Variants in TNFRSF8 observed in about 807,000 individuals in gnomAD.
The protein encoded by TNFRSF8 is tumor necrosis factor receptor superfamily member 8.
TNFRSF8 carries 26 observed loss-of-function variants against 70.8 expected under a neutral mutation model. The ratio of observed to expected loss-of-function variants is 0.37; its 90% CI spans 0.27 to 0.51. TNFRSF8 has a LOEUF of 0.51. TNFRSF8 is among the 20% of genes least tolerant of loss of function. The pLI is 0.94. For synonymous variants in TNFRSF8, 356 were observed against 339.2 expected, an observed-to-expected ratio of 1.05 and a Z score of -0.54; for missense variants, 720 against 807.9, an observed-to-expected ratio of 0.89 and a Z score of 1.32.
Position 12,119,634 on chromosome 1 carries a change from C to A in TNFRSF8, c.947-3650C>A, listed in dbSNP as rs529157762. 2.0e-4 allele frequency among the ~76,000 whole-genome samples: 31 copies of A among 151,450 alleles called. No homozygotes were observed. The East Asian group carries it at 4.8e-3, about 24-fold the overall frequency. On this transcript the variant is annotated intron_variant, in intron 8 of 14. Coordinates refer to ENST00000263932, the MANE Select transcript of TNFRSF8 (RefSeq NM_001243.5). The surrounding 1 kb of genome is among the most constrained non-coding windows in gnomAD (Gnocchi z 4.4). ...TATTATTTTTAGAGACAGGGTCTCA[C>A]TCTGTGTTCCAGGCTGGAGTGCAGT...
chr1:12,069,871 G>T (rs1378333238), intron 1 of TNFRSF8, among the ~76,000 whole-genome samples: 2 of 152,198 alleles, frequency 1.3e-5, no homozygotes, highest in Non-Finnish European at 2.9e-5. Context: ...GGGAAAACAG[G>T]ACTTGCAGAC....
At chr1:12,098,135 TC>T (rs1324121846) in intron 3 of TNFRSF8, among the ~76,000 whole-genome samples, 1 of 152,164 alleles carries the variant, frequency 6.6e-6, no homozygotes, top group Non-Finnish European at 1.5e-5. Context: ...TGAATATACC[TC>T]TCCATTCCTT....
intron 13 of TNFRSF8, 31 bp downstream of exon 13, chr1:12,135,644 C>T (rs375360119): frequency 6.2e-7 from 1 of 1,613,120 alleles, no homozygotes. Flanking sequence ...CCCACCTCAG[C>T]TTCGTGCCCC....
chr1:12,116,015 C>T (rs1043046242), intron 8 of TNFRSF8, among the ~76,000 whole-genome samples: 18 of 152,092 alleles, frequency 1.2e-4, no homozygotes, highest in African/African-American at 4.3e-4. Flanking sequence ...GAGTTTCGCT[C>T]ATGTTGCCCA....
chr1:12,074,167 A>C (rs187002442), intron 1 of TNFRSF8, among the ~76,000 whole-genome samples: 1 of 148,216 alleles, frequency 6.7e-6, no homozygotes, highest in African/African-American at 2.6e-5. Flanking sequence ...TGATCTTGCT[A>C]AAACGGACTC....
chr1:12,088,071 C>T lies in TNFRSF8; in HGVS notation c.151+3520C>T, dbSNP rs1641185826. Among the ~76,000 whole-genome samples, 1 of 152,160 alleles carries T rather than the reference C, an allele frequency of 6.6e-6. No individual in the cohort carries two copies. The highest frequency in any genetic ancestry group is 2.1e-4 in the South Asian group (1 of 4,796). On this transcript the variant is annotated intron_variant, in intron 2 of 14. Transcript: ENST00000263932. This position sits in a 1 kb window ranked among gnomAD's most constrained non-coding sequence, Gnocchi z 4.0. ...TGCAGCCAGCACTCAGCTGTGTGGC[C>T]GGGTTTGCTTGTGGGCGGGTTGGTG... is the stretch of plus-strand genomic sequence containing the variant.
intron 3 of TNFRSF8, among the ~76,000 whole-genome samples, chr1:12,098,111 G>A (rs1641361343): frequency 6.6e-6 from 1 of 151,842 alleles, no homozygotes; most frequent in African/African-American, 2.4e-5. Context: ...GGTGGGTTGG[G>A]CTTTTTATCC....
intron 12 of TNFRSF8, among the ~76,000 whole-genome samples, chr1:12,135,142 C>T (rs932782959): frequency 2.2e-4 from 33 of 151,776 alleles, no homozygotes; most frequent in Non-Finnish European, 4.0e-4. Flanking sequence ...GGTGAAACCC[C>T]GTCTCTACTG....
At chr1:12,076,087 T>TC (rs1553153188) in intron 1 of TNFRSF8, among the ~76,000 whole-genome samples, 5 of 62,336 alleles carry the variant, frequency 8.0e-5, no homozygotes, top group Admixed American at 1.8e-4. Flanking sequence ...GGTTTTATTC[T>TC]TTTTTTTTTC....
At position 12,094,613 on chromosome 1, in the gene TNFRSF8, GTTTTTTTTTT is replaced by G. The variant is rs1042247656; in HGVS notation, c.152-2480_152-2471del. 8.4e-4 allele frequency among the ~76,000 whole-genome samples: 100 copies of G among 119,674 alleles called. 1 individual carries two copies. Among genetic ancestry groups the G allele is most frequent in the African/African-American group, 3.0e-3 (99 of 32,602 alleles). The allele number at this position is 119,674 out of a possible 152,430, so 78.5% of individuals were successfully genotyped here. ...TTAAAGAGTGACAGCCATGAAGCTAGTTTTTTTTTTTTTTTTTGCTTTTTTTTTTTGAGAC... is the reference window on the plus strand; with the variant it reads ...TTAAAGAGTGACAGCCATGAAGCTAGTTTTTTTGCTTTTTTTTTTTGAGAC... On this transcript the variant is annotated intron_variant, in intron 2 of 14. Transcript: ENST00000263932.
chr1:12,083,868 T>C (rs1641106778), intron 1 of TNFRSF8, among the ~76,000 whole-genome samples: 1 of 152,236 alleles, frequency 6.6e-6, no homozygotes, highest in African/African-American at 2.4e-5. Flanking sequence ...AATTCTACTT[T>C]ATGTAAAATC....
At position 12,109,356 on chromosome 1, in the gene TNFRSF8, G is replaced by A. The variant is rs1570040458; in HGVS notation, c.422-210G>A. On this transcript the variant is annotated intron_variant, in intron 4 of 14. Transcript: ENST00000263932. This position sits in a 1 kb window ranked among gnomAD's most constrained non-coding sequence, Gnocchi z 4.4. Reference sequence around the variant, plus strand: ...TCGGTCCCAACCCCTAACCACAGATGCTGAGATCAGAGGGAGAGTAATTCC... The same window carrying A: ...TCGGTCCCAACCCCTAACCACAGATACTGAGATCAGAGGGAGAGTAATTCC... 6.6e-6 allele frequency among the ~76,000 whole-genome samples: 1 copy of A among 152,172 alleles called. No individual in the cohort carries two copies. Among genetic ancestry groups the A allele is most frequent in the Non-Finnish European group, 1.5e-5 (1 of 68,036 alleles).
At chr1:12,124,253 C>A (rs2101027115) in intron 10 of TNFRSF8, among the ~76,000 whole-genome samples, 1 of 152,192 alleles carries the variant, frequency 6.6e-6, no homozygotes, top group Middle Eastern at 3.4e-3. Context: ...AGGTGATCCA[C>A]CTGCTTCAGC....
intron 3 of TNFRSF8, among the ~76,000 whole-genome samples, chr1:12,103,364 A>G (rs1641458578): frequency 6.6e-6 from 1 of 152,162 alleles, no homozygotes; most frequent in Non-Finnish European, 1.5e-5. Context: ...TAAAAAAAAA[A>G]AAATTAATAA....
chr1:12,094,850 T>G (rs1641304923), intron 2 of TNFRSF8, among the ~76,000 whole-genome samples: 1 of 151,832 alleles, frequency 6.6e-6, no homozygotes, highest in Non-Finnish European at 1.5e-5. Flanking sequence ...GGTCTTGAAC[T>G]TATGACCTCA....
At chr1:12,124,542 G>C (rs1641895342) in intron 10 of TNFRSF8, among the ~76,000 whole-genome samples, 1 of 152,158 alleles carries the variant, frequency 6.6e-6, no homozygotes, top group Non-Finnish European at 1.5e-5. Flanking sequence ...TTAGCTCTTA[G>C]GCTGGACGCG....
At position 12,123,733 on chromosome 1, in the gene TNFRSF8, C is replaced by T; in HGVS notation, c.1059C>T (p.Ser353=). The T allele has an allele frequency of 6.4e-7, 1 of 1,567,506 alleles. No homozygotes were observed. Among genetic ancestry groups the T allele is most frequent in the Non-Finnish European group, 8.7e-7 (1 of 1,155,590 alleles). ...EAPASTSPTQ[S]LLVDSQASKT... is the part of the protein sequence containing the mutation. ...CCCGCAGCACCAGCCCCACTCAGAG[C>T]TTGCTGGTGGACTCCCAGGCCAGTA... is the stretch of plus-strand genomic sequence containing the variant. Residue 353 remains serine, a synonymous_variant, in exon 10 of 15, where the codon AGC becomes AGT. Coordinates refer to ENST00000263932, the MANE Select transcript of TNFRSF8 (RefSeq NM_001243.5).
intron 2 of TNFRSF8, among the ~76,000 whole-genome samples, chr1:12,094,689 G>A (rs538185769): frequency 6.9e-4 from 102 of 148,116 alleles, no homozygotes; most frequent in Non-Finnish European, 1.2e-3. Flanking sequence ...GCAGTGACGC[G>A]ATCTCGGCTC....
At position 12,138,619 on chromosome 1, in the gene TNFRSF8, G is replaced by A. The variant is rs973907084; in HGVS notation, c.1543+183G>A. Among the ~76,000 whole-genome samples, 13 of 152,148 alleles carry A rather than the reference G, an allele frequency of 8.5e-5. No individual in the cohort carries two copies. Among genetic ancestry groups the A allele is most frequent in the South Asian group, 2.1e-4 (1 of 4,828 alleles). On this transcript the variant is annotated intron_variant, in intron 14 of 14. Coordinates refer to ENST00000263932, the MANE Select transcript of TNFRSF8 (RefSeq NM_001243.5). This position sits in a 1 kb window ranked among gnomAD's most constrained non-coding sequence, Gnocchi z 5.7. ...TAGGGACAGCGAGGGTACTTACCTC[G>A]TAGGCCATTGTGCGGATTCATGAGC...
Sources: allele counts gnomAD v4.1 joint callset (sites outside exome capture counted in the v4.1 genomes callset), GRCh38; gene constraint gnomAD v4.1.1; non-coding constraint Gnocchi (gnomAD v3.1); transcripts MANE v1.5; gene names NCBI Gene and HGNC (gene_info 2026-07-23, HGNC 2026-07-21).